COMMD10: variants seen among roughly 807,000 people sequenced by gnomAD.
The protein encoded by COMMD10 is COMM domain containing 10.
COMMD10 carries 33 observed loss-of-function variants against 28.9 expected under a neutral mutation model. The ratio of observed to expected loss-of-function variants is 1.14; its 90% CI spans 0.87 to 1.53. COMMD10 has a LOEUF of 1.53. Among genes scored for constraint, COMMD10 ranks in the 40% most tolerant of loss-of-function variants. COMMD10 has a pLI of 0.00. For missense variants in COMMD10, 310 were observed against 233.4 expected (o/e 1.33, Z -2.14); for synonymous variants, 110 against 81.7 (o/e 1.35, Z -1.87).
At chr5:116,205,719 A>T (rs1419844167) in intron 5 of COMMD10, among the ~76,000 whole-genome samples, 4 of 152,176 alleles carry the variant, frequency 2.6e-5, no homozygotes, top group Admixed American at 2.6e-4. Flanking sequence ...AAATTAAAAA[A>T]TGAGGTCAAG....
intron 5 of COMMD10, among the ~76,000 whole-genome samples, chr5:116,162,068 C>G (rs1270352229): frequency 6.6e-6 from 1 of 152,058 alleles, no homozygotes; most frequent in Non-Finnish European, 1.5e-5. Context: ...ATATGTTGAC[C>G]TCATTTGATT....
At chr5:116,208,481 T>C (rs2112630949) in intron 5 of COMMD10, among the ~76,000 whole-genome samples, 1 of 152,312 alleles carries the variant, frequency 6.6e-6, no homozygotes, top group East Asian at 1.9e-4. Flanking sequence ...TTGTACATGT[T>C]GCTAATGTGG....
At chr5:116,114,776 TG>T (rs1751176261) in intron 4 of COMMD10, among the ~76,000 whole-genome samples, 1 of 152,178 alleles carries the variant, frequency 6.6e-6, no homozygotes, top group African/African-American at 2.4e-5. Context: ...TCAGTCCTGG[TG>T]GGGCTTCCTC....
At chr5:116,252,635 C>T (rs1383247610) in intron 5 of COMMD10, among the ~76,000 whole-genome samples, 1 of 124,312 alleles carries the variant, frequency 8.0e-6, no homozygotes, top group Non-Finnish European at 1.7e-5. Flanking sequence ...TTTCTGAGGG[C>T]TCTGTTCTGT....
rs984791326 is a variant in COMMD10 at position 116,293,158 on chromosome 5, C to T, written c.*669C>T. On this transcript the variant is annotated 3_prime_UTR_variant, in exon 7 of 7. Coordinates refer to ENST00000274458, the MANE Select transcript of COMMD10 (RefSeq NM_016144.4). ...ATGATTCACTTTATAGTTTGGGAGA[C>T]AGAATCAGGTCTTGAATAAAATAAT... 3.3e-5 allele frequency: 13 copies of T among 392,376 alleles called. No homozygotes were observed. Among genetic ancestry groups the T allele is most frequent in the African/African-American group, 2.7e-4 (13 of 48,404 alleles). 24.3% of individuals were successfully genotyped at this position (392,376 alleles called of 1,614,324 possible).
At chr5:116,193,954 G>T (rs1183100534) in intron 5 of COMMD10, among the ~76,000 whole-genome samples, 2 of 151,968 alleles carry the variant, frequency 1.3e-5, no homozygotes, top group African/African-American at 2.4e-5. Context: ...AAACTGAAAT[G>T]ATATCAAGCC....
intron 4 of COMMD10, among the ~76,000 whole-genome samples, chr5:116,122,025 GC>G (rs1751451492): frequency 6.6e-6 from 1 of 152,136 alleles, no homozygotes; most frequent in African/African-American, 2.4e-5. Context: ...TGTTGCCATT[GC>G]TTTTGGTGTT....
intron 4 of COMMD10, among the ~76,000 whole-genome samples, chr5:116,099,559 C>T (rs1049769722): frequency 6.6e-6 from 1 of 152,082 alleles, no homozygotes; most frequent in Admixed American, 6.6e-5. Context: ...ACATTCCCAC[C>T]AACACTGTAC....
At chr5:116,110,888 A>C (rs916855360) in intron 4 of COMMD10, among the ~76,000 whole-genome samples, 1 of 151,708 alleles carries the variant, frequency 6.6e-6, no homozygotes, top group African/African-American at 2.4e-5. Flanking sequence ...GGGTGGTGCT[A>C]AATCATTCCT....
chr5:116,225,456 G>T (rs558847109), intron 5 of COMMD10, among the ~76,000 whole-genome samples: 4 of 150,008 alleles, frequency 2.7e-5, no homozygotes, highest in African/African-American at 9.8e-5. Flanking sequence ...TTCTTTTGAG[G>T]ACCTTGGTTT....
chr5:116,226,778 A>G (rs1486038922), intron 5 of COMMD10, among the ~76,000 whole-genome samples: 6 of 152,166 alleles, frequency 3.9e-5, no homozygotes, highest in African/African-American at 1.4e-4. Flanking sequence ...GTAACAGTGG[A>G]CTGGCATCTG....
At chr5:116,230,595 G>A (rs1749505511) in intron 5 of COMMD10, among the ~76,000 whole-genome samples, 1 of 151,844 alleles carries the variant, frequency 6.6e-6, no homozygotes, top group African/African-American at 2.4e-5. Flanking sequence ...ATAAACATGG[G>A]GTGCCTCCTG....
chr5:116,170,388 A>G (rs780834132), intron 5 of COMMD10, among the ~76,000 whole-genome samples: 30 of 152,222 alleles, frequency 2.0e-4, no homozygotes, highest in Non-Finnish European at 3.8e-4. Flanking sequence ...AAGAATCAAT[A>G]TCGTGAAAAT....
At chr5:116,143,062 GT>G (rs869205147) in intron 5 of COMMD10, among the ~76,000 whole-genome samples, 6 of 26,054 alleles carry the variant, frequency 2.3e-4, no homozygotes, top group African/African-American at 4.2e-4. Flanking sequence ...TTTAATGTGT[GT>G]TTTTGGTTTT....
rs144055404 is a variant in COMMD10, at chr5:116,124,183, C to G, written c.400-9885C>G. On this transcript the variant is annotated intron_variant, in intron 4 of 6. Coordinates refer to ENST00000274458, the MANE Select transcript of COMMD10 (RefSeq NM_016144.4). ...GTTAGGGTGTCAGTTTTAGATCTGT[C>G]CATCTTTCTCTTGTGGGCATTTAGT... 1.5e-3 allele frequency among the ~76,000 whole-genome samples: 224 copies of G among 152,166 alleles called. 2 individuals carry two copies. Among genetic ancestry groups the G allele is most frequent in the African/African-American group, 5.4e-3 (224 of 41,514 alleles).
chr5:116,169,634 T>C (rs368908541), intron 5 of COMMD10, among the ~76,000 whole-genome samples: 29 of 152,262 alleles, frequency 1.9e-4, no homozygotes, highest in East Asian at 1.2e-3. Flanking sequence ...AAATAGCTTA[T>C]CCACCATGAT....
chr5:116,141,331 T>C (rs756365965), intron 5 of COMMD10, among the ~76,000 whole-genome samples: 8 of 151,934 alleles, frequency 5.3e-5, no homozygotes, highest in Non-Finnish European at 1.2e-4. Flanking sequence ...ACTATAACTT[T>C]ATAATGTAAT....
chr5:116,193,395 C>G (rs1254585270), intron 5 of COMMD10, among the ~76,000 whole-genome samples: 1 of 152,060 alleles, frequency 6.6e-6, no homozygotes, highest in African/African-American at 2.4e-5. Flanking sequence ...AAGAATTTAC[C>G]AACAAACTAT....
At chr5:116,115,248 GC>G (rs1478715655) in intron 4 of COMMD10, among the ~76,000 whole-genome samples, 1 of 152,056 alleles carries the variant, frequency 6.6e-6, no homozygotes, top group African/African-American at 2.4e-5. Flanking sequence ...CACTCCCATG[GC>G]CTGGATTATA....
Sources: allele counts gnomAD v4.1 joint callset (sites outside exome capture counted in the v4.1 genomes callset), GRCh38; gene constraint gnomAD v4.1.1; transcripts MANE v1.5; gene names NCBI Gene and HGNC (gene_info 2026-07-23, HGNC 2026-07-21).